ARHGAP17: variants seen among roughly 807,000 people sequenced by gnomAD.
The protein encoded by ARHGAP17 is Rho GTPase activating protein 17.
ARHGAP17 carries 57 observed loss-of-function variants against 99.5 expected under a neutral mutation model. The ratio of observed to expected loss-of-function variants is 0.57; its 90% CI spans 0.46 to 0.71. The LOEUF is 0.71. Ranked by LOEUF, ARHGAP17 falls within the 30% of genes least tolerant of loss-of-function variation. The pLI is 0.00. For missense variants in ARHGAP17, 1,000 were observed against 1,122.4 expected (o/e 0.89, Z 1.56); for synonymous variants, 417 against 429.6 (o/e 0.97, Z 0.36).
In ARHGAP17 at chr16:24,928,214, ATG is replaced by A. The variant is rs1283229695; in HGVS notation, c.2515+2568_2515+2569del. On this transcript the variant is annotated intron_variant, in intron 19 of 19. Coordinates refer to ENST00000289968, the MANE Select transcript of ARHGAP17 (RefSeq NM_001006634.3). ...ATACTAGCAGATTAAAAAATTCTAAATGTTGGCCTTCTGTGTACTTTCAGTGG... is the reference window on the plus strand; with the variant it reads ...ATACTAGCAGATTAAAAAATTCTAAATTGGCCTTCTGTGTACTTTCAGTGG... Among the ~76,000 whole-genome samples, 7 of 152,358 alleles carry A rather than the reference ATG, an allele frequency of 4.6e-5. No individual in the cohort carries two copies. The East Asian group carries it at 1.3e-3, about 29-fold the overall frequency.
chr16:24,936,975 T>C (rs2051157097), intron 17 of ARHGAP17: 1 of 150,702 alleles, frequency 6.6e-6, no homozygotes, highest in African/African-American at 2.4e-5. Flanking sequence ...AAAAATTAGC[T>C]GGGCATGGGG....
intron 3 of ARHGAP17, among the ~76,000 whole-genome samples, chr16:24,971,820 A>C (rs2052372263): frequency 1.3e-5 from 2 of 152,202 alleles, no homozygotes; most frequent in Non-Finnish European, 2.9e-5. Flanking sequence ...ACAGTCAAGG[A>C]ACCCAAAGCC....
At chr16:25,008,915 T>C (rs1367152005) in intron 1 of ARHGAP17, among the ~76,000 whole-genome samples, 3 of 152,212 alleles carry the variant, frequency 2.0e-5, no homozygotes, top group Non-Finnish European at 4.4e-5. Flanking sequence ...GTAAACTACA[T>C]AATAAGGCCA....
chr16:24,965,529 A>G (rs1404438308), intron 6 of ARHGAP17, among the ~76,000 whole-genome samples: 2 of 152,196 alleles, frequency 1.3e-5, no homozygotes, highest in African/African-American at 4.8e-5. Context: ...TAAACTTTCT[A>G]GACTGCTGCA....
intron 1 of ARHGAP17, among the ~76,000 whole-genome samples, chr16:24,991,106 C>T (rs1300221745): frequency 6.6e-6 from 1 of 152,170 alleles, no homozygotes; most frequent in Non-Finnish European, 1.5e-5. Context: ...ATGTAGGATA[C>T]AGTCAGAACT....
chr16:24,950,002 C>A (rs760070601), intron 12 of ARHGAP17, among the ~76,000 whole-genome samples: 1 of 152,076 alleles, frequency 6.6e-6, no homozygotes, highest in Admixed American at 6.6e-5. Context: ...ACTCCACAGG[C>A]GCAACGTACA....
chr16:24,970,654 A>G, intron 3 of ARHGAP17, 74 bp from the exon 4 acceptor site: 2 of 1,392,808 alleles, frequency 1.4e-6, no homozygotes, highest in Non-Finnish European at 2.0e-6. Context: ...TCAGATCATC[A>G]TTCATTAATT....
chr16:24,923,181 T>A (rs545647923), intron 19 of ARHGAP17, among the ~76,000 whole-genome samples: 2 of 152,350 alleles, frequency 1.3e-5, no homozygotes, highest in South Asian at 4.1e-4. Flanking sequence ...TTGGTTGCAC[T>A]CTGGCTCTTC....
At chr16:24,935,937 T>C in intron 17 of ARHGAP17, 1 of 414,236 alleles carries the variant, frequency 2.4e-6, no homozygotes, top group Non-Finnish European at 4.5e-6. Context: ...GCACCCTGAG[T>C]AGCCGGGACT....
intron 1 of ARHGAP17, among the ~76,000 whole-genome samples, chr16:25,010,166 T>C (rs1432944054): frequency 1.3e-5 from 2 of 152,046 alleles, no homozygotes; most frequent in Non-Finnish European, 2.9e-5. Flanking sequence ...GCCTCGACTT[T>C]CCAGGCTCAG....
At chr16:24,970,193 A>G (rs1052156398) in intron 4 of ARHGAP17, among the ~76,000 whole-genome samples, 3 of 152,166 alleles carry the variant, frequency 2.0e-5, no homozygotes, top group Admixed American at 6.5e-5. Flanking sequence ...CTGAGCCAAC[A>G]CCTGGAACAC....
rs2051241168 is a variant in ARHGAP17, at chr16:24,939,310, G to A, written c.1724+54C>T. On this transcript the variant is annotated intron_variant, in intron 17 of 19. Coordinates refer to ENST00000289968, the MANE Select transcript of ARHGAP17 (RefSeq NM_001006634.3). ...ATGCCGTGCTCAAAGGCCACCACCT[G>A]CAAGAAGGCTGGGGCGTCCAGCCTC... is the stretch of plus-strand genomic sequence containing the variant. 8.7e-6 allele frequency: 13 copies of A among 1,490,748 alleles called. No homozygotes were observed. Among genetic ancestry groups the A allele is most frequent in the South Asian group, 7.9e-5 (6 of 75,742 alleles). The allele number at this position is 1,490,748 out of a possible 1,614,324, so 92.3% of individuals were successfully genotyped here. A position where few individuals can be genotyped will look rare whatever the true frequency, so the allele number is the denominator to read the frequency against.
chr16:24,931,458 A>C, intron 18 of ARHGAP17, 54 bp from the exon 19 acceptor site: 1 of 1,472,758 alleles, frequency 6.8e-7, no homozygotes, highest in Non-Finnish European at 8.9e-7. Context: ...GCAGCAACCA[A>C]CCCTGGCCAG....
chr16:24,990,597 C>A (rs770246851), intron 1 of ARHGAP17, among the ~76,000 whole-genome samples: 5 of 151,920 alleles, frequency 3.3e-5, no homozygotes, highest in Admixed American at 1.3e-4. Flanking sequence ...GTGGAGACTG[C>A]AGTGAGCCAA....
chr16:24,994,236 C>T (rs901582285), intron 1 of ARHGAP17, among the ~76,000 whole-genome samples: 2 of 152,112 alleles, frequency 1.3e-5, no homozygotes, highest in Non-Finnish European at 2.9e-5. Context: ...GAAAGGAGTG[C>T]CTGATGGATG....
chr16:24,935,361 A>G, intron 18 of ARHGAP17, 109 bp downstream of exon 18: 17 of 1,284,286 alleles, frequency 1.3e-5, no homozygotes, highest in Non-Finnish European at 1.8e-5. Context: ...GGATTTTACA[A>G]CAGACATAGA....
In ARHGAP17 at chr16:24,927,590, G is replaced by C. The variant is rs569444787; in HGVS notation, c.2515+3194C>G. ...CTATTAGTAGGGATGCAAGCAGGCA[G>C]GGTTAGGGTGGCCAGTTAGTAACAG... On this transcript the variant is annotated intron_variant, in intron 19 of 19. Coordinates refer to ENST00000289968, the MANE Select transcript of ARHGAP17 (RefSeq NM_001006634.3). 32 of 500,028 alleles carry C rather than the reference G, an allele frequency of 6.4e-5. No individual in the cohort carries two copies. In the East Asian group the frequency reaches 2.5e-3, roughly 39 times the overall value. 31.0% of individuals were successfully genotyped at this position (500,028 alleles called of 1,614,324 possible). A position where few individuals can be genotyped will look rare whatever the true frequency, so the allele number is the denominator to read the frequency against.
chr16:24,975,022 C>T (rs948599717), intron 3 of ARHGAP17, among the ~76,000 whole-genome samples: 84 of 152,086 alleles, frequency 5.5e-4, no homozygotes, highest in Non-Finnish European at 9.1e-4. Flanking sequence ...GGCTTGGTGG[C>T]GCAAGCCTGT....
intron 9 of ARHGAP17, among the ~76,000 whole-genome samples, chr16:24,957,871 AC>A (rs2051857942): frequency 6.6e-6 from 1 of 152,212 alleles, no homozygotes; most frequent in Admixed American, 6.5e-5. Flanking sequence ...TGAATGTGAC[AC>A]CAGAGTCCAC....
Sources: allele counts gnomAD v4.1 joint callset (sites outside exome capture counted in the v4.1 genomes callset), GRCh38; gene constraint gnomAD v4.1.1; transcripts MANE v1.5; gene names NCBI Gene and HGNC (gene_info 2026-07-23, HGNC 2026-07-21).